The following SEC24B variants were observed in gnomAD, a reference collection of about 807,000 sequenced individuals.
SEC24B encodes protein transport protein Sec24B.
Under a neutral mutation model 142.8 loss-of-function variants are expected in SEC24B, and 45 were observed. The observed-to-expected ratio is 0.32, with a 90% confidence interval of 0.25 to 0.40. SEC24B has a LOEUF of 0.40. Ranked by LOEUF, SEC24B falls within the 10% of genes least tolerant of loss-of-function variation. The pLI, the probability that SEC24B is intolerant of heterozygous loss-of-function variation, is 1.00. For missense variants in SEC24B, 1,409 were observed against 1,526.8 expected (o/e 0.92, Z 1.29); for synonymous variants, 574 against 568.2 (o/e 1.01, Z -0.15).
chr4:109,511,850 A>G (rs1737371512), intron 8 of SEC24B, 107 bp from the exon 9 acceptor site: 1 of 1,156,264 alleles, frequency 8.6e-7, no homozygotes. Flanking sequence ...ATAAAACCAC[A>G]TAAAAACAAT....
chr4:109,473,075 G>C lies in SEC24B; in HGVS notation c.949G>C (p.Val317Leu), dbSNP rs1732697550. 6.2e-7 allele frequency: 1 copy of C among 1,606,534 alleles called. No individual in the cohort carries two copies. The highest frequency in any genetic ancestry group is 1.3e-5 in the African/African-American group (1 of 74,410). The change falls in exon 3 of 24, where the codon GTT (valine) becomes CTT (leucine). Residue 317 changes from valine to leucine, a missense_variant. By Grantham distance (32) the Val-to-Leu change is conservative. Around this residue, in one of 2 missense-constraint regions of SEC24B, gnomAD observed 709 missense variants for 673.5 expected, o/e 1.05. Coordinates refer to ENST00000265175, the MANE Select transcript of SEC24B (RefSeq NM_006323.5). Reference sequence around the variant, plus strand: ...CAAGTCCAGCCCAGTGGTATCCACTGTTTTATCAGGATCCTCAGGATCCTC... The same window carrying C: ...CAAGTCCAGCCCAGTGGTATCCACTCTTTTATCAGGATCCTCAGGATCCTC... ...PPKSSPVVSTVLSGSSGSSST... is the reference protein window; with the variant it reads ...PPKSSPVVSTLLSGSSGSSST...
At chr4:109,483,054 A>G (rs1733968312) in intron 4 of SEC24B, among the ~76,000 whole-genome samples, 1 of 112,164 alleles carries the variant, frequency 8.9e-6, no homozygotes, top group African/African-American at 7.1e-5. Context: ...GTATTTATGT[A>G]TTTATATATA....
intron 6 of SEC24B, among the ~76,000 whole-genome samples, chr4:109,504,525 G>A (rs1736492310): frequency 6.6e-6 from 1 of 151,450 alleles, no homozygotes; most frequent in Admixed American, 6.6e-5. Context: ...ACTTATTTCT[G>A]TTTCATTTTC....
At chr4:109,503,360 A>T (rs1026741398) in intron 6 of SEC24B, among the ~76,000 whole-genome samples, 2 of 151,658 alleles carry the variant, frequency 1.3e-5, no homozygotes, top group African/African-American at 4.8e-5. Context: ...AGTAGCTGGG[A>T]TTACAGGCGC....
intron 21 of SEC24B, among the ~76,000 whole-genome samples, chr4:109,533,066 C>G (rs1437645674): frequency 6.6e-6 from 1 of 152,114 alleles, no homozygotes; most frequent in Non-Finnish European, 1.5e-5. Context: ...ACTTTACCAT[C>G]TAGAGTCTAG....
intron 5 of SEC24B, among the ~76,000 whole-genome samples, chr4:109,493,088 A>G (rs1735184803): frequency 2.0e-5 from 3 of 151,942 alleles, no homozygotes; most frequent in Non-Finnish European, 4.4e-5. Context: ...CTATGTTTCC[A>G]TCACCATGAG....
At chr4:109,492,029 CTT>C (rs894906499) in intron 5 of SEC24B, among the ~76,000 whole-genome samples, 1 of 152,114 alleles carries the variant, frequency 6.6e-6, no homozygotes, top group African/African-American at 2.4e-5. Context: ...CTCTCTCTCT[CTT>C]TTCCTAATGA....
chr4:109,530,520 T>A, intron 19 of SEC24B, 56 bp downstream of exon 19: 1 of 1,384,258 alleles, frequency 7.2e-7, no homozygotes, highest in Non-Finnish European at 1.0e-6. Flanking sequence ...CTCAGATATG[T>A]ACATGAAGAA....
intron 9 of SEC24B, 41 bp from the exon 10 acceptor site, chr4:109,513,706 C>T: frequency 8.7e-7 from 1 of 1,144,084 alleles, no homozygotes. Flanking sequence ...TGTTTAGTTA[C>T]AAATTGTGTC....
chr4:109,473,067 T>G lies in SEC24B; in HGVS notation c.941T>G (p.Val314Gly). The change falls in exon 3 of 24, where the codon GTA (valine) becomes GGA (glycine). Residue 314 changes from valine (V) to glycine (G), a missense_variant. Transcript: ENST00000265175. ...CAGCCTCCCAAGTCCAGCCCAGTGG[T>G]ATCCACTGTTTTATCAGGATCCTCA... The part of the protein sequence containing the change: ...NVQPPKSSPV[V>G]STVLSGSSGS... 6.2e-7 allele frequency: 1 copy of G among 1,605,352 alleles called. No homozygotes were observed. Among genetic ancestry groups the G allele is most frequent in the Non-Finnish European group, 8.5e-7 (1 of 1,175,826 alleles).
intron 6 of SEC24B, among the ~76,000 whole-genome samples, chr4:109,501,615 C>T (rs1354826654): frequency 6.6e-6 from 1 of 152,138 alleles, no homozygotes; most frequent in African/African-American, 2.4e-5. Flanking sequence ...GGATTATAGG[C>T]GTGTGCCACC....
chr4:109,514,715 C>G (rs990761610), intron 10 of SEC24B, among the ~76,000 whole-genome samples: 11 of 152,052 alleles, frequency 7.2e-5, no homozygotes, highest in African/African-American at 9.7e-5. Context: ...AACAAACAAA[C>G]TCAAAAAACT....
chr4:109,467,542 T>C (rs1477980220), intron 2 of SEC24B, among the ~76,000 whole-genome samples: 4 of 152,252 alleles, frequency 2.6e-5, no homozygotes, highest in Admixed American at 2.0e-4. Context: ...AGCTCTTTTT[T>C]AGTTTGAGGT....
chr4:109,497,154 A>G (rs1429191533), intron 6 of SEC24B, among the ~76,000 whole-genome samples: 1 of 152,232 alleles, frequency 6.6e-6, no homozygotes, highest in Non-Finnish European at 1.5e-5. Context: ...ACAGTAGTAC[A>G]GTTGAGTAGT....
chr4:109,463,110 C>G lies in SEC24B; in HGVS notation c.343C>G (p.Gln115Glu), dbSNP rs778703942. Residue 115 changes from glutamine (Q) to glutamate (E), a missense_variant, in exon 2 of 24, where the codon CAG (glutamine) becomes GAG (glutamate). Transcript: ENST00000265175. ...AGTGAACCAGCAACCAGGAGCACAG[C>G]AGTTGTACAGCAGGGGTCCTCCTGC... The part of the protein sequence containing the change: ...NTVNQQPGAQ[Q>E]LYSRGPPAPH... The G allele has an allele frequency of 4.3e-6, 7 of 1,614,162 alleles. No individual in the cohort carries two copies. The highest frequency in any genetic ancestry group is 5.9e-6 in the Non-Finnish European group (7 of 1,180,012).
chr4:109,483,068 A>G (rs1578862139), intron 4 of SEC24B, among the ~76,000 whole-genome samples: 2 of 132,256 alleles, frequency 1.5e-5, no homozygotes, highest in South Asian at 5.1e-4. Flanking sequence ...ATATATATAT[A>G]TATATGTATG....
rs1733753620 is a variant in SEC24B, at chr4:109,481,693, A to G, written c.1077A>G (p.Glu359=). ...ACTTTACAGGCGTGCAGTATGGTGAATATGTTAATAACCAAGCTAGCTCCG... is the reference window on the plus strand; with the variant it reads ...ACTTTACAGGCGTGCAGTATGGTGAGTATGTTAATAACCAAGCTAGCTCCG... ...LLQQKGVQYG[E]YVNNQASSAP... The change falls in exon 4 of 24, where the codon GAA becomes GAG. Residue 359 remains glutamate, a synonymous_variant. Transcript: ENST00000265175. 5.6e-6 allele frequency: 9 copies of G among 1,612,914 alleles called. No individual in the cohort carries two copies. Among genetic ancestry groups the G allele is most frequent in the Non-Finnish European group, 6.8e-6 (8 of 1,179,242 alleles).
Position 109,531,462 on chromosome 4 carries a change from T to C in SEC24B, c.3330T>C (p.Leu1110=). The change falls in exon 20 of 24, where the codon CTT becomes CTC. Residue 1110 remains leucine, a synonymous_variant. Coordinates refer to ENST00000265175, the MANE Select transcript of SEC24B (RefSeq NM_006323.5). ...TGTGTCAGATAAAGTCTCAGCCACTTGTTCATCTAATGAAAATGATTCATC... is the reference window on the plus strand; with the variant it reads ...TGTGTCAGATAAAGTCTCAGCCACTCGTTCATCTAATGAAAATGATTCATC... The part of the protein sequence containing the change: ...YAMCQIKSQP[L]VHLMKMIHPN... The C allele has an allele frequency of 6.2e-7, 1 of 1,611,810 alleles. No individual in the cohort carries two copies. The highest frequency in any genetic ancestry group is 1.1e-5 in the South Asian group (1 of 91,034).
At chr4:109,442,476 A>G (rs576728466) in intron 1 of SEC24B, among the ~76,000 whole-genome samples, 1 of 152,200 alleles carries the variant, frequency 6.6e-6, no homozygotes, top group African/African-American at 2.4e-5. Flanking sequence ...GAATTCAGTG[A>G]TTACATTCTT....
Sources: allele counts gnomAD v4.1 joint callset (sites outside exome capture counted in the v4.1 genomes callset), GRCh38; gene constraint gnomAD v4.1.1; regional missense constraint gnomAD v4.1.1; transcripts MANE v1.5; gene names NCBI Gene and HGNC (gene_info 2026-07-23, HGNC 2026-07-21).